The following ATRNL1 variants were observed in gnomAD, a reference collection of about 807,000 sequenced individuals.
ATRNL1 encodes attractin-like protein 1.
Under a neutral mutation model 182.7 loss-of-function variants are expected in ATRNL1, and 95 were observed. That is an observed-to-expected ratio of 0.52 (90% CI 0.44 to 0.62). The LOEUF (loss-of-function observed/expected upper bound fraction) is 0.62. Among genes scored for constraint, ATRNL1 ranks in the 20% least tolerant of loss-of-function variants. ATRNL1 has a pLI of 0.00. For missense variants in ATRNL1, 1,471 were observed against 1,679.5 expected, an observed-to-expected ratio of 0.88 and a Z score of 2.17; for synonymous variants, 576 against 568.3, an observed-to-expected ratio of 1.01 and a Z score of -0.19.
At chr10:115,133,817 T>C (rs1324886567) in intron 5 of ATRNL1, among the ~76,000 whole-genome samples, 1 of 152,130 alleles carries the variant, frequency 6.6e-6, no homozygotes, top group Non-Finnish European at 1.5e-5. Flanking sequence ...CCTCAGCAAA[T>C]GTGAAAGAAC....
chr10:115,276,440 T>C (rs74461122), intron 13 of ATRNL1, among the ~76,000 whole-genome samples: 2,224 of 152,348 alleles, frequency 0.015, 51 homozygotes, highest in African/African-American at 0.049. Flanking sequence ...TTTTGCTTTA[T>C]ATTTTATTCA....
At chr10:115,290,073 G>T (rs1592387719) in intron 15 of ATRNL1, among the ~76,000 whole-genome samples, 1 of 145,146 alleles carries the variant, frequency 6.9e-6, no homozygotes, top group African/African-American at 2.5e-5. Context: ...GTGTTTTGTA[G>T]TTTTTTTTTT....
intron 26 of ATRNL1, among the ~76,000 whole-genome samples, chr10:115,673,153 A>G (rs1022151470): frequency 6.6e-6 from 1 of 152,130 alleles, no homozygotes; most frequent in Non-Finnish European, 1.5e-5. Context: ...GATGCCCAGC[A>G]GGTGTTTGAG....
At chr10:115,151,057 T>C (rs1230018909) in intron 5 of ATRNL1, among the ~76,000 whole-genome samples, 1 of 152,248 alleles carries the variant, frequency 6.6e-6, no homozygotes, top group Non-Finnish European at 1.5e-5. Flanking sequence ...GAACTCATCA[T>C]TTTTTATTGC....
intron 8 of ATRNL1, among the ~76,000 whole-genome samples, chr10:115,214,067 C>CACACACACAT (rs1297035795): frequency 4.7e-5 from 7 of 150,012 alleles, no homozygotes; most frequent in African/African-American, 1.2e-4. Context: ...CACACACACA[C>CACACACACAT]ATATATATAA....
At chr10:115,807,677 A>T (rs1168972107) in intron 27 of ATRNL1, among the ~76,000 whole-genome samples, 1 of 152,178 alleles carries the variant, frequency 6.6e-6, no homozygotes, top group African/African-American at 2.4e-5. Context: ...TTCATTCTAC[A>T]ATCAATATGT....
At chr10:115,401,544 A>G (rs559209893) in intron 20 of ATRNL1, among the ~76,000 whole-genome samples, 1 of 152,286 alleles carries the variant, frequency 6.6e-6, no homozygotes, top group African/African-American at 2.4e-5. Flanking sequence ...GCTGGATCCT[A>G]TTTATAAGTG....
chr10:115,622,008 G>A (rs1857798864), intron 26 of ATRNL1, among the ~76,000 whole-genome samples: 1 of 152,196 alleles, frequency 6.6e-6, no homozygotes, highest in South Asian at 2.1e-4. Context: ...GTGAGGTGTG[G>A]AAGGGGAGAG....
intron 27 of ATRNL1, among the ~76,000 whole-genome samples, chr10:115,847,345 T>A (rs961504851): frequency 6.6e-6 from 1 of 152,098 alleles, no homozygotes; most frequent in South Asian, 2.1e-4. Context: ...GAAAATGTGC[T>A]AAGAGAGTGT....
chr10:115,138,782 A>G lies in ATRNL1; in HGVS notation c.829+9247A>G, dbSNP rs1231281734. 2.6e-5 allele frequency among the ~76,000 whole-genome samples: 4 copies of G among 152,292 alleles called. No homozygotes were observed. In the East Asian group the frequency reaches 5.8e-4, roughly 22 times the overall value. Reference sequence around the variant, plus strand: ...ATTTTCCCCATTGTCTTGGTGATTAACATTCAGCTCCTCATTACTTATGCA... The same window carrying G: ...ATTTTCCCCATTGTCTTGGTGATTAGCATTCAGCTCCTCATTACTTATGCA... On this transcript the variant is annotated intron_variant, in intron 5 of 28. Transcript: ENST00000355044.
At chr10:115,576,215 G>A (rs1854699115) in intron 26 of ATRNL1, among the ~76,000 whole-genome samples, 1 of 152,026 alleles carries the variant, frequency 6.6e-6, no homozygotes, top group South Asian at 2.1e-4. Flanking sequence ...AGCTAGCTCT[G>A]TGATGTGCTG....
At chr10:115,121,385 C>T (rs1844723739) in intron 2 of ATRNL1, among the ~76,000 whole-genome samples, 2 of 152,194 alleles carry the variant, frequency 1.3e-5, no homozygotes, top group East Asian at 1.9e-4. Context: ...GCCGGGATTA[C>T]AGGCGAGAGC....
chr10:115,240,544 A>C (rs1850374854), intron 9 of ATRNL1, among the ~76,000 whole-genome samples: 1 of 151,918 alleles, frequency 6.6e-6, no homozygotes, highest in Non-Finnish European at 1.5e-5. Flanking sequence ...GTGAGACAAC[A>C]CCACGCCTGG....
At chr10:115,299,701 AAT>A (rs1853376509) in intron 15 of ATRNL1, among the ~76,000 whole-genome samples, 1 of 137,462 alleles carries the variant, frequency 7.3e-6, no homozygotes, top group South Asian at 2.5e-4. Flanking sequence ...CAGCAATAAC[AAT>A]ATGTTAAGTT....
At chr10:115,366,585 C>G (rs1268604807) in intron 19 of ATRNL1, among the ~76,000 whole-genome samples, 2,729 of 149,306 alleles carry the variant, frequency 0.018, 86 homozygotes, top group African/African-American at 0.063. Flanking sequence ...TGATTTTGCT[C>G]GTTAGTTGAT....
intron 19 of ATRNL1, among the ~76,000 whole-genome samples, chr10:115,375,092 A>C (rs929451459): frequency 1.1e-4 from 16 of 151,520 alleles, no homozygotes; most frequent in African/African-American, 3.9e-4. Flanking sequence ...GTCCCTTACT[A>C]TTATTTTATT....
At chr10:115,304,526 T>C (rs545540522) in intron 17 of ATRNL1, among the ~76,000 whole-genome samples, 3 of 152,214 alleles carry the variant, frequency 2.0e-5, no homozygotes, top group South Asian at 4.2e-4. Context: ...GAAGGTTCGC[T>C]CTTACAGAGA....
chr10:115,876,348 A>G (rs1021561899), intron 28 of ATRNL1, among the ~76,000 whole-genome samples: 3 of 152,208 alleles, frequency 2.0e-5, no homozygotes, highest in African/African-American at 7.2e-5. Flanking sequence ...TACTTAATTC[A>G]GTACCTGACA....
intron 1 of ATRNL1, among the ~76,000 whole-genome samples, chr10:115,098,369 C>T (rs900130459): frequency 2.0e-5 from 3 of 149,112 alleles, no homozygotes; most frequent in Admixed American, 6.7e-5. Context: ...GCATTTTATA[C>T]ACGTAACTGT....
Sources: gnomAD v4.1 joint callset for allele counts (sites outside exome capture counted in the v4.1 genomes callset) on GRCh38, gnomAD v4.1.1 for gene constraint, MANE v1.5 for transcripts, NCBI Gene and HGNC (gene_info 2026-07-23, HGNC 2026-07-21) for gene names.